SLC1A5: variants seen among roughly 807,000 people sequenced by gnomAD.
The protein encoded by SLC1A5 is solute carrier family 1 member 5.
In SLC1A5, 25 loss-of-function variants were observed where a neutral mutation model predicts 34.9. The observed-to-expected ratio is 0.72, with a 90% CI of 0.52 to 1.00. The LOEUF is 1.00. Ranked by LOEUF, SLC1A5 falls within the 50% of genes least tolerant of loss-of-function variation. The pLI is 0.00. For missense variants in SLC1A5, 637 were observed against 740.0 expected (o/e 0.86, Z 1.61); for synonymous variants, 351 against 341.2 (o/e 1.03, Z -0.32).
chr19:46,782,619 CT>C (rs974385025), intron 3 of SLC1A5, 70 bp from the exon 4 acceptor site: 2 of 1,566,422 alleles, frequency 1.3e-6, no homozygotes, highest in Admixed American at 3.4e-5. Flanking sequence ...AGGGCCTGTC[CT>C]TGGCACCACT....
At chr19:46,778,347 G>A (rs1365161198) in intron 5 of SLC1A5, among the ~76,000 whole-genome samples, 1 of 152,140 alleles carries the variant, frequency 6.6e-6, no homozygotes, top group Admixed American at 6.6e-5. Flanking sequence ...AGAATCACTT[G>A]AACCCAGGAG....
Position 46,777,034 on chromosome 19 carries a change from G to C in SLC1A5, c.1329C>G (p.Leu443=), listed in dbSNP as rs199711927. 1.2e-6 allele frequency: 2 copies of C among 1,613,868 alleles called. No individual in the cohort carries two copies. The highest frequency in any genetic ancestry group is 1.7e-6 in the Non-Finnish European group (2 of 1,180,002). The change falls in exon 7 of 8, where the codon CTC becomes CTG. Residue 443 remains leucine, a synonymous_variant. Transcript: ENST00000542575. Reference sequence around the variant, plus strand: ...GGTCGACCGGGAGGTTGACTGCTTCGAGGATGATGGCCAGAGTGAGGACAC... The same window carrying C: ...GGTCGACCGGGAGGTTGACTGCTTCCAGGATGATGGCCAGAGTGAGGACAC... ...AGGVLTLAII[L]EAVNLPVDHI...
Position 46,784,143 on chromosome 19 carries a change from T to G in SLC1A5, c.611A>C (p.Tyr204Ser), listed in dbSNP as rs748007457. ...ATTCCTCTCTTCATAGGTGGTAGAG[T>G]ACTGTAGGTGGGGTTGGGAAGAGTC... is the stretch of plus-strand genomic sequence containing the variant. ...SNLVSAAFRSYSTTYEERNIT... is the reference protein window; with the variant it reads ...SNLVSAAFRSSSTTYEERNIT... The change falls in exon 3 of 8, where the codon TAC becomes TCC. Residue 204 changes from tyrosine (Y) to serine (S), a missense_variant and splice_region_variant. Tyr to Ser is a moderately radical substitution (Grantham distance 144). Transcript: ENST00000542575. 4.9e-5 allele frequency: 79 copies of G among 1,612,514 alleles called. 1 individual carries two copies. The highest frequency in any genetic ancestry group is 6.7e-5 in the Non-Finnish European group (79 of 1,178,938).
intron 7 of SLC1A5, among the ~76,000 whole-genome samples, chr19:46,776,058 C>T (rs993660543): frequency 1.3e-5 from 2 of 151,902 alleles, no homozygotes; most frequent in African/African-American, 4.8e-5. Flanking sequence ...TACACTCCAG[C>T]CTGGGTGACA....
At chr19:46,782,346 A>ACCCCCCACAAC in intron 4 of SLC1A5, 37 bp downstream of exon 4, 1 of 567,986 alleles carries the variant, frequency 1.8e-6, no homozygotes, top group Admixed American at 2.7e-5. Flanking sequence ...CGACCCTCCA[A>ACCCCCCACAAC]CCCCACCCAC....
At chr19:46,782,338 A>ACCCACCCAACCCCCCCCCCCCCCCC in intron 4 of SLC1A5, 45 bp downstream of exon 4, 1 of 1,009,382 alleles carries the variant, frequency 9.9e-7, no homozygotes, top group African/African-American at 1.6e-5. Context: ...CAGCAGACCG[A>ACCCACCCAACCCCCCCCCCCCCCCC]CCCTCCAACC....
chr19:46,787,990 G>C lies in SLC1A5; in HGVS notation c.-25C>G, dbSNP rs2055199354. The C allele has an allele frequency of 6.6e-7, 1 of 1,518,610 alleles. No homozygotes were observed. Among genetic ancestry groups the C allele is most frequent in the Admixed American group, 2.3e-5 (1 of 44,290 alleles). The allele number at this position is 1,518,610 out of a possible 1,614,324, so 94.1% of individuals were successfully genotyped here. On this transcript the variant is annotated 5_prime_UTR_variant, in exon 1 of 8. Coordinates refer to ENST00000542575, the MANE Select transcript of SLC1A5 (RefSeq NM_005628.3). This position sits in a 1 kb window ranked among gnomAD's most constrained non-coding sequence, Gnocchi z 5.2. ...TGATGGGAAGCACCGGGGTTTCTTA[G>C]CGCCTGGAAGCTGGCTGGGAGCGCT... is the stretch of plus-strand genomic sequence containing the variant.
In SLC1A5 at chr19:46,787,606, G is replaced by C. The variant is rs1415755088; in HGVS notation, c.360C>G (p.Asp120Glu). The change falls in exon 1 of 8, where the codon GAC becomes GAG. Residue 120 changes from aspartate to glutamate, a missense_variant. Physicochemically the swap from Asp to Glu is conservative, Grantham distance 45. Coordinates refer to ENST00000542575, the MANE Select transcript of SLC1A5 (RefSeq NM_005628.3). The surrounding 1 kb of genome is among the most constrained non-coding windows in gnomAD (Gnocchi z 5.2). ...CGCCCAGACGGCCGAGCGCGCCGGGGTCCAGGCTGGCGGCGCCGCCGATCA... is the reference window on the plus strand; with the variant it reads ...CGCCCAGACGGCCGAGCGCGCCGGGCTCCAGGCTGGCGGCGCCGCCGATCA... Reference protein sequence around the residue: ...CSLIGGAASLDPGALGRLGAW... With the variant: ...CSLIGGAASLEPGALGRLGAW... The C allele has an allele frequency of 1.2e-5, 18 of 1,562,502 alleles. No individual in the cohort carries two copies. The highest frequency in any genetic ancestry group is 5.7e-5 in the Admixed American group (3 of 52,336).
In SLC1A5 at chr19:46,784,558, T is replaced by C; in HGVS notation, c.568A>G (p.Asn190Asp). ...VLDSFLDLAR[N>D]IFPSNLVSAA... ...GACACCAGGTTGGAAGGGAAGATAT[T>C]TCTGCAGAGACAGACACACAGAGGG... Residue 190 changes from asparagine to aspartate, a missense_variant and splice_region_variant, in exon 2 of 8, where the codon AAT (asparagine) becomes GAT (aspartate). Transcript: ENST00000542575. The C allele has an allele frequency of 6.2e-7, 1 of 1,614,078 alleles. No homozygotes were observed. Among genetic ancestry groups the C allele is most frequent in the Non-Finnish European group, 8.5e-7 (1 of 1,180,028 alleles).
intron 3 of SLC1A5, among the ~76,000 whole-genome samples, chr19:46,783,056 A>C (rs1009787190): frequency 3.3e-5 from 5 of 152,308 alleles, no homozygotes; most frequent in East Asian, 3.9e-4. Flanking sequence ...GTTTGACCTC[A>C]CAGGGAGCCC....
At chr19:46,779,335 A>T (rs1382179571) in intron 4 of SLC1A5, among the ~76,000 whole-genome samples, 1 of 151,418 alleles carries the variant, frequency 6.6e-6, no homozygotes, top group African/African-American at 2.4e-5. Flanking sequence ...CAGGCAGGAG[A>T]ATTGCTTGAA....
chr19:46,782,206 A>T (rs1303849971), intron 4 of SLC1A5, among the ~76,000 whole-genome samples, 177 bp downstream of exon 4: 1 of 152,134 alleles, frequency 6.6e-6, no homozygotes, highest in African/African-American at 2.4e-5. Context: ...AAGGAAAATC[A>T]CTTGCCTAAA....
At chr19:46,782,346 A>AACCCACCCCCCCCCCCCCC in intron 4 of SLC1A5, 37 bp downstream of exon 4, 1 of 567,982 alleles carries the variant, frequency 1.8e-6, no homozygotes, top group Non-Finnish European at 3.2e-6. Context: ...CGACCCTCCA[A>AACCCACCCCCCCCCCCCCC]CCCCACCCAC....
At position 46,775,456 on chromosome 19, in the gene SLC1A5, A is replaced by G. The variant is rs560908326; in HGVS notation, c.*54T>C. On this transcript the variant is annotated 3_prime_UTR_variant, in exon 8 of 8. Coordinates refer to ENST00000542575, the MANE Select transcript of SLC1A5 (RefSeq NM_005628.3). ...GCTCATCCATTTATCCATTCCTCATAATCCAGTGTCCAAAGAGCACCCCCA... is the reference window on the plus strand; with the variant it reads ...GCTCATCCATTTATCCATTCCTCATGATCCAGTGTCCAAAGAGCACCCCCA... 4 of 1,554,606 alleles carry G rather than the reference A, an allele frequency of 2.6e-6. No homozygotes were observed. The highest frequency in any genetic ancestry group is 4.5e-5 in the East Asian group (2 of 44,550).
Position 46,784,290 on chromosome 19 carries a change from G to A in SLC1A5, c.610-146C>T, listed in dbSNP as rs1477905213. On this transcript the variant is annotated intron_variant, in intron 2 of 7. Coordinates refer to ENST00000542575, the MANE Select transcript of SLC1A5 (RefSeq NM_005628.3). The stretch of plus-strand genomic sequence containing the variant: ...TGCTGGCAACCCCATGGGGCAGGAT[G>A]ATCAATACCCCCATTTTCCAGAGGT... The A allele has an allele frequency of 1.1e-5, 9 of 789,002 alleles. No homozygotes were observed. The Admixed American group carries it at 2.0e-4, about 17-fold the overall frequency. The allele number at this position is 789,002 out of a possible 1,614,324, so 48.9% of individuals were successfully genotyped here.
intron 5 of SLC1A5, among the ~76,000 whole-genome samples, chr19:46,778,056 AG>A (rs2055111023): frequency 6.6e-6 from 1 of 152,096 alleles, no homozygotes; most frequent in Non-Finnish European, 1.5e-5. Context: ...TTGTCTTGGG[AG>A]GGGACAGGGC....
At chr19:46,782,342 T>TCCCACCCCCC in intron 4 of SLC1A5, 41 bp downstream of exon 4, 1 of 523,370 alleles carries the variant, frequency 1.9e-6, no homozygotes, top group Non-Finnish European at 3.5e-6. Context: ...AGACCGACCC[T>TCCCACCCCCC]CCAACCCCAC....
Position 46,787,691 on chromosome 19 carries a change from G to A in SLC1A5, c.275C>T (p.Pro92Leu). The change falls in exon 1 of 8, where the codon CCG becomes CTG. Residue 92 changes from proline (P) to leucine (L), a missense_variant. Coordinates refer to ENST00000542575, the MANE Select transcript of SLC1A5 (RefSeq NM_005628.3). The surrounding 1 kb of genome is among the most constrained non-coding windows in gnomAD (Gnocchi z 5.2). ...CAGCAGACGCAGCAGCAGCTCGCCC[G>A]GGAAGACGAAGGCGCTCAAGCGCTC... ...GPERLSAFVF[P>L]GELLLRLLRM... is the part of the protein sequence containing the mutation. 1 of 1,589,836 alleles carries A rather than the reference G, an allele frequency of 6.3e-7. No homozygotes were observed. The highest frequency in any genetic ancestry group is 8.5e-7 in the Non-Finnish European group (1 of 1,172,438).
chr19:46,785,151 G>T (rs2055178052), intron 1 of SLC1A5, among the ~76,000 whole-genome samples: 1 of 152,172 alleles, frequency 6.6e-6, no homozygotes, highest in Non-Finnish European at 1.5e-5. Context: ...GGAGGCCAAG[G>T]CAGACAGATC....
Sources: allele counts gnomAD v4.1 joint callset (sites outside exome capture counted in the v4.1 genomes callset), GRCh38; gene constraint gnomAD v4.1.1; non-coding constraint Gnocchi (gnomAD v3.1); transcripts MANE v1.5; gene names NCBI Gene and HGNC (gene_info 2026-07-23, HGNC 2026-07-21).